Variants in KLRD1 observed in about 807,000 individuals in gnomAD.
KLRD1 encodes the protein killer cell lectin like receptor D1, also known as natural killer cells antigen CD94.
KLRD1 carries 21 observed loss-of-function variants against 22.6 expected under a neutral mutation model. The ratio of observed to expected loss-of-function variants is 0.93; its 90% confidence interval spans 0.66 to 1.34. The LOEUF (loss-of-function observed/expected upper bound fraction) is 1.34. Ranked by LOEUF, KLRD1 falls within the 40% of genes most tolerant of loss-of-function variation. KLRD1 has a pLI of 0.00. For missense variants in KLRD1, 183 were observed against 208.6 expected, an observed-to-expected ratio of 0.88 and a Z score of 0.76; for synonymous variants, 59 against 71.1, an observed-to-expected ratio of 0.83 and a Z score of 0.85.
chr12:10,275,179 C>T (rs932680847), intron 1 of KLRD1, among the ~76,000 whole-genome samples: 2 of 152,134 alleles, frequency 1.3e-5, no homozygotes, highest in South Asian at 2.1e-4. Flanking sequence ...CGTGAGCCAC[C>T]GTGCCTAGCC....
intron 1 of KLRD1, among the ~76,000 whole-genome samples, chr12:10,254,561 A>G (rs1163429882): frequency 6.6e-6 from 1 of 152,044 alleles, no homozygotes; most frequent in Non-Finnish European, 1.5e-5. Flanking sequence ...AACTTAAACA[A>G]ATCTACCAGA....
At chr12:10,301,504 G>C (rs61917597), upstream of KLRD1, among the ~76,000 whole-genome samples, 36,591 of 152,070 alleles carry the variant, frequency 0.24, 5,271 homozygotes, top group Admixed American at 0.33. Context: ...GCCCAGAACA[G>C]CTTCACAAAA....
chr12:10,307,065 A>T (rs1422860722), upstream of KLRD1, among the ~76,000 whole-genome samples: 1 of 152,166 alleles, frequency 6.6e-6, no homozygotes, highest in Admixed American at 6.5e-5. Flanking sequence ...CAAGATTCTT[A>T]TTATAGCCAA....
chr12:10,316,290 T>C lies in KLRD1; in HGVS notation c.*1497T>C, dbSNP rs921396293. ...ATTATGCAGGTGTACACTAGGCCAC[T>C]GGTGTACCAATTAGAAACCACTTTA... is the stretch of plus-strand genomic sequence containing the variant. On this transcript the variant is annotated 3_prime_UTR_variant, in exon 6 of 6. Transcript: ENST00000336164. 1 of 152,188 alleles carries C rather than the reference T, an allele frequency of 6.6e-6. No individual in the cohort carries two copies. The highest frequency in any genetic ancestry group is 1.5e-5 in the Non-Finnish European group (1 of 68,026). The allele number at this position is 152,188 out of a possible 1,614,324, so 9.4% of individuals were successfully genotyped here.
chr12:10,306,115 G>A (rs569691260), upstream of KLRD1, among the ~76,000 whole-genome samples: 8 of 152,134 alleles, frequency 5.3e-5, no homozygotes, highest in Admixed American at 3.3e-4. Flanking sequence ...CTTGCAGTGA[G>A]CCGAGTGAGC....
At position 10,250,591 on chromosome 12, in the gene KLRD1, G is replaced by A. The variant is rs753133759; in HGVS notation, c.-101+24358G>A. On this transcript the variant is annotated intron_variant, in intron 1 of 5. Coordinates refer to the KLRD1 transcript ENST00000544747. Reference sequence around the variant, plus strand: ...TCCTACCTCAGCCTCCAGAGCAGCTGGGACTACAGGCTCCCGCCACCATGC... The same window carrying A: ...TCCTACCTCAGCCTCCAGAGCAGCTAGGACTACAGGCTCCCGCCACCATGC... 9.2e-5 allele frequency among the ~76,000 whole-genome samples: 14 copies of A among 152,054 alleles called. 1 individual carries two copies. The highest frequency in any genetic ancestry group is 1.5e-4 in the Non-Finnish European group (10 of 67,998).
At chr12:10,262,143 G>A (rs1236955194) in intron 1 of KLRD1, among the ~76,000 whole-genome samples, 1 of 151,990 alleles carries the variant, frequency 6.6e-6, no homozygotes, top group Admixed American at 6.6e-5. Context: ...AACACAATAT[G>A]TTAAAAATTC....
intron 1 of KLRD1, among the ~76,000 whole-genome samples, chr12:10,241,830 T>C (rs1011105572): frequency 2.0e-5 from 3 of 152,172 alleles, no homozygotes; most frequent in Non-Finnish European, 4.4e-5. Context: ...TGGATATTTT[T>C]GTACTGTTTA....
At position 10,297,444 on chromosome 12, in the gene KLRD1, T is replaced by G. The variant is rs905508573; in HGVS notation, c.-100-10534T>G. 2.0e-5 allele frequency among the ~76,000 whole-genome samples: 3 copies of G among 152,082 alleles called. No homozygotes were observed. The East Asian group carries it at 5.8e-4, about 29-fold the overall frequency. ...AATAAAAATTATAATTTAAATATTT[T>G]TAAAACATTTAGACTATTATTGGTT... On this transcript the variant is annotated intron_variant, in intron 1 of 5. Transcript: ENST00000544747.
Position 10,324,816 on chromosome 12 carries a change from G to GTATATATATATATATATA in KLRD1, c.*10024_*10025insATATATATATATATATAT, listed in dbSNP as rs1397212198. 0.02 allele frequency: 326 copies of GTATATATATATATATATA among 16,486 alleles called. 3 individuals carry two copies. Among genetic ancestry groups the GTATATATATATATATATA allele is most frequent in the African/African-American group, 0.025 (291 of 11,844 alleles). The allele number at this position is 16,486 out of a possible 1,614,324, so 1.0% of individuals were successfully genotyped here. Reference sequence around the variant, plus strand: ...TAAGTATATATGTATATGTGTGTGTGTGTATATATATATATATATATATAT... The same window carrying GTATATATATATATATATA: ...TAAGTATATATGTATATGTGTGTGTGTATATATATATATATATATGTATATATATATATATATATATAT... On this transcript the variant is annotated 3_prime_UTR_variant, in exon 6 of 6. Transcript: ENST00000336164.
At position 10,259,944 on chromosome 12, in the gene KLRD1, C is replaced by T. The variant is rs369530658; in HGVS notation, c.-101+33711C>T. Among the ~76,000 whole-genome samples the T allele has an allele frequency of 5.2e-4, 79 of 151,970 alleles. No individual in the cohort carries two copies. In the South Asian group the frequency reaches 8.3e-3, roughly 16 times the overall value. On this transcript the variant is annotated intron_variant, in intron 1 of 5. Coordinates refer to the KLRD1 transcript ENST00000544747. ...TCATGCTACTGCACTCTAGCCTGGG[C>T]GACAGAGTGAGACTCCATCAAAACA... is the stretch of plus-strand genomic sequence containing the variant.
intron 1 of KLRD1, among the ~76,000 whole-genome samples, chr12:10,273,401 ATTAAC>A (rs1425219597): frequency 6.6e-6 from 1 of 152,230 alleles, no homozygotes; most frequent in Non-Finnish European, 1.5e-5. Context: ...TATTTTGGTC[ATTAAC>A]TTGTTAAATT....
At chr12:10,277,114 G>GTTTT (rs36020833) in intron 1 of KLRD1, among the ~76,000 whole-genome samples, 1 of 115,340 alleles carries the variant, frequency 8.7e-6, no homozygotes. Flanking sequence ...GCCTCACAGA[G>GTTTT]TTTTTTTTTT....
chr12:10,314,693 T>C lies in KLRD1; in HGVS notation c.440T>C (p.Phe147Ser). The C allele has an allele frequency of 6.3e-7, 1 of 1,578,618 alleles. No individual in the cohort carries two copies. The highest frequency in any genetic ancestry group is 8.6e-7 in the Non-Finnish European group (1 of 1,165,780). ...SQYLFPSFET[F>S]NTKNCIAYNP... ...TACAGATTTCCATCATTTGAAACTT[T>C]TAATACAAAGAACTGCATAGCGTAT... Residue 147 changes from phenylalanine (F) to serine (S), a missense_variant, in exon 6 of 6, where the codon TTT (phenylalanine) becomes TCT (serine). Physicochemically the swap from Phe to Ser is radical, Grantham distance 155. Coordinates refer to ENST00000336164, the MANE Select transcript of KLRD1 (RefSeq NM_002262.5).
intron 1 of KLRD1, among the ~76,000 whole-genome samples, chr12:10,267,083 C>G (rs984087705): frequency 1.3e-5 from 2 of 148,474 alleles, no homozygotes; most frequent in African/African-American, 5.0e-5. Context: ...TCCCTCCCCC[C>G]TCCCAGTAGC....
At chr12:10,272,043 T>C (rs578115737) in intron 1 of KLRD1, among the ~76,000 whole-genome samples, 330 of 152,278 alleles carry the variant, frequency 2.2e-3, no homozygotes, top group Non-Finnish European at 4.2e-3. Flanking sequence ...TGTAGAATAG[T>C]AATTGTAAGA....
intron 1 of KLRD1, among the ~76,000 whole-genome samples, chr12:10,294,306 G>A (rs564019633): frequency 1.3e-5 from 2 of 152,238 alleles, no homozygotes; most frequent in East Asian, 3.9e-4. Flanking sequence ...ATAAAAACAA[G>A]CAAGTATGAA....
intron 1 of KLRD1, among the ~76,000 whole-genome samples, chr12:10,273,188 A>G (rs1949564655): frequency 6.6e-6 from 1 of 152,186 alleles, no homozygotes; most frequent in Admixed American, 6.5e-5. Context: ...TTTCTATAAT[A>G]AAATTTTTAC....
chr12:10,306,129 T>C (rs1353113069), upstream of KLRD1, among the ~76,000 whole-genome samples: 1 of 144,586 alleles, frequency 6.9e-6, no homozygotes, highest in East Asian at 2.0e-4. Context: ...AGTGAGCCAC[T>C]GCACTCCAGC....
Sources: gnomAD v4.1 joint callset for allele counts (sites outside exome capture counted in the v4.1 genomes callset) on GRCh38, gnomAD v4.1.1 for gene constraint, MANE v1.5 for transcripts, NCBI Gene and HGNC (gene_info 2026-07-23, HGNC 2026-07-21) for gene names.